The following WDR70 variants were observed in gnomAD, a reference collection of about 807,000 sequenced individuals.
The protein encoded by WDR70 is WD repeat-containing protein 70.
WDR70 carries 53 observed loss-of-function variants against 88.6 expected under a neutral mutation model. The observed-to-expected ratio is 0.60, with a 90% CI of 0.48 to 0.75. The LOEUF (loss-of-function observed/expected upper bound fraction) is 0.75. WDR70 is among the 30% of genes least tolerant of loss of function. WDR70 has a pLI of 0.00. For synonymous variants in WDR70, 280 were observed against 270.0 expected (o/e 1.04, Z -0.36); for missense variants, 610 against 823.2 (o/e 0.74, Z 3.17).
intron 7 of WDR70, among the ~76,000 whole-genome samples, chr5:37,478,432 T>G (rs1739552990): frequency 6.6e-6 from 1 of 152,212 alleles, no homozygotes; most frequent in Admixed American, 6.5e-5. Context: ...AAGTCAAAAC[T>G]TCATAGGACC....
intron 5 of WDR70, among the ~76,000 whole-genome samples, chr5:37,431,572 T>C (rs1017865263): frequency 1.3e-5 from 2 of 152,192 alleles, no homozygotes; most frequent in African/African-American, 4.8e-5. Context: ...TAAAAACACA[T>C]AACATAAAGT....
At chr5:37,627,884 G>A (rs1225930248) in intron 10 of WDR70, among the ~76,000 whole-genome samples, 2 of 152,152 alleles carry the variant, frequency 1.3e-5, no homozygotes, top group South Asian at 2.1e-4. Flanking sequence ...TGAAAAGAAT[G>A]AAGTTGTTAG....
chr5:37,676,570 C>G (rs1218453559), intron 10 of WDR70, among the ~76,000 whole-genome samples: 2 of 151,980 alleles, frequency 1.3e-5, no homozygotes, highest in East Asian at 1.9e-4. Context: ...AGCCTTGCAT[C>G]CCAGGGATGA....
intron 10 of WDR70, among the ~76,000 whole-genome samples, chr5:37,643,988 T>A (rs186532806): frequency 1.8e-4 from 28 of 152,164 alleles, no homozygotes; most frequent in African/African-American, 6.3e-4. Flanking sequence ...TTTTCACTTG[T>A]CTAATTGCTC....
intron 3 of WDR70, among the ~76,000 whole-genome samples, chr5:37,383,298 C>T (rs542456088): frequency 1.9e-4 from 29 of 152,224 alleles, no homozygotes; most frequent in South Asian, 8.3e-4. Flanking sequence ...CCTGCTCTGT[C>T]GCCCAGGCTG....
chr5:37,563,683 G>A (rs1469670588), intron 9 of WDR70, among the ~76,000 whole-genome samples: 4 of 117,434 alleles, frequency 3.4e-5, no homozygotes, highest in African/African-American at 1.2e-4. Flanking sequence ...CCTCCCGGAC[G>A]GGGCGGCTGG....
intron 10 of WDR70, among the ~76,000 whole-genome samples, chr5:37,637,425 C>A (rs1020446550): frequency 1.3e-5 from 2 of 150,224 alleles, no homozygotes; most frequent in Non-Finnish European, 3.0e-5. Flanking sequence ...TTTGAAATAC[C>A]CTTGTTGGTG....
chr5:37,736,691 A>G (rs574747465), intron 17 of WDR70, among the ~76,000 whole-genome samples: 82 of 150,950 alleles, frequency 5.4e-4, no homozygotes, highest in African/African-American at 1.9e-3. Context: ...TCCTAAACCA[A>G]CTCAAGGGGG....
intron 10 of WDR70, among the ~76,000 whole-genome samples, chr5:37,693,279 T>A (rs1477848888): frequency 2.0e-5 from 3 of 152,288 alleles, no homozygotes; most frequent in African/African-American, 7.2e-5. Context: ...AAAATGGCCA[T>A]ACTGCCCAAG....
intron 9 of WDR70, among the ~76,000 whole-genome samples, chr5:37,591,090 T>A (rs1395091256): frequency 2.0e-5 from 3 of 152,160 alleles, no homozygotes; most frequent in Admixed American, 2.0e-4. Context: ...AATTGCACTC[T>A]GGGAGGCCGA....
intron 10 of WDR70, among the ~76,000 whole-genome samples, chr5:37,696,581 A>G (rs1195945500): frequency 6.6e-6 from 1 of 152,224 alleles, no homozygotes; most frequent in African/African-American, 2.4e-5. Flanking sequence ...GTCTTTCGCT[A>G]TGGAATTACC....
At chr5:37,609,121 G>A (rs1309735244) in intron 10 of WDR70, among the ~76,000 whole-genome samples, 1 of 152,180 alleles carries the variant, frequency 6.6e-6, no homozygotes, top group Non-Finnish European at 1.5e-5. Context: ...AATACACAAT[G>A]AGATAGAGTT....
intron 9 of WDR70, among the ~76,000 whole-genome samples, chr5:37,564,508 G>C (rs1188219701): frequency 6.6e-6 from 1 of 152,036 alleles, no homozygotes; most frequent in Non-Finnish European, 1.5e-5. Context: ...GCATCAGGGG[G>C]AGACCGTGGA....
At chr5:37,675,053 G>T (rs1034288106) in intron 10 of WDR70, among the ~76,000 whole-genome samples, 1 of 151,784 alleles carries the variant, frequency 6.6e-6, no homozygotes, top group African/African-American at 2.4e-5. Flanking sequence ...GTCTGTTCAT[G>T]TCCTTCGCCC....
intron 9 of WDR70, among the ~76,000 whole-genome samples, chr5:37,595,634 T>G (rs1046319507): frequency 6.6e-6 from 1 of 152,174 alleles, no homozygotes; most frequent in African/African-American, 2.4e-5. Context: ...TGGAATAGCC[T>G]AAACAATTTT....
chr5:37,721,151 C>G lies in WDR70; in HGVS notation c.1453C>G (p.Gln485Glu). Reference sequence around the variant, plus strand: ...CTGCCTGTGGCATCCAAAGCTGAACCAGATCATGGTTGGAACTGGAAATGG... The same window carrying G: ...CTGCCTGTGGCATCCAAAGCTGAACGAGATCATGGTTGGAACTGGAAATGG... Reference protein sequence around the residue: ...VRCLWHPKLNQIMVGTGNGLA... With the variant: ...VRCLWHPKLNEIMVGTGNGLA... Residue 485 changes from glutamine (Q) to glutamate (E), a missense_variant, in exon 14 of 18, where the codon CAG (glutamine) becomes GAG (glutamate). Physicochemically the swap from Gln to Glu is conservative, Grantham distance 29. This residue lies in a region of WDR70 where 254 missense variants were observed against 300.7 expected (regional missense o/e 0.84). Coordinates refer to ENST00000265107, the MANE Select transcript of WDR70 (RefSeq NM_018034.4). The G allele has an allele frequency of 6.2e-7, 1 of 1,613,738 alleles. No homozygotes were observed. Among genetic ancestry groups the G allele is most frequent in the African/African-American group, 1.3e-5 (1 of 75,014 alleles).
At chr5:37,548,643 T>G (rs777709096) in intron 9 of WDR70, among the ~76,000 whole-genome samples, 23 of 152,182 alleles carry the variant, frequency 1.5e-4, no homozygotes, top group Non-Finnish European at 2.6e-4. Context: ...ACTTTTTAAC[T>G]TGATATGATT....
intron 8 of WDR70, among the ~76,000 whole-genome samples, chr5:37,492,196 T>TA (rs1484988635): frequency 1.3e-5 from 2 of 152,174 alleles, no homozygotes. Context: ...TTAAAATAAG[T>TA]AAAAAATTAT....
intron 7 of WDR70, among the ~76,000 whole-genome samples, chr5:37,467,613 T>G (rs2112123721): frequency 6.6e-6 from 1 of 151,468 alleles, no homozygotes; most frequent in Middle Eastern, 3.4e-3. Context: ...CTTGGCTCAC[T>G]ACAAGCTCTG....
Sources: gnomAD v4.1 joint callset for allele counts (sites outside exome capture counted in the v4.1 genomes callset) on GRCh38, gnomAD v4.1.1 for gene constraint, gnomAD v4.1.1 regional missense constraint, MANE v1.5 for transcripts, NCBI Gene and HGNC (gene_info 2026-07-23, HGNC 2026-07-21) for gene names.